DIPK1A: variants seen among roughly 807,000 people sequenced by gnomAD.
DIPK1A encodes the protein family with sequence similarity 69 member A.
Under a neutral mutation model 40.8 loss-of-function variants are expected in DIPK1A, and 27 were observed. The ratio of observed to expected loss-of-function variants is 0.66; its 90% CI spans 0.49 to 0.91. The LOEUF (loss-of-function observed/expected upper bound fraction) is 0.91, where lower values mean the gene tolerates loss of function less well. Among genes scored for constraint, DIPK1A ranks in the 40% least tolerant of loss-of-function variants. The pLI, the probability that DIPK1A is intolerant of heterozygous loss-of-function variation, is 0.00. For missense variants in DIPK1A, 412 were observed against 505.7 expected, an observed-to-expected ratio of 0.81 and a Z score of 1.78; for synonymous variants, 166 against 171.3, an observed-to-expected ratio of 0.97 and a Z score of 0.24.
chr1:92,855,946 T>G (rs1175609615), intron 2 of DIPK1A, among the ~76,000 whole-genome samples: 2 of 151,918 alleles, frequency 1.3e-5, no homozygotes, highest in East Asian at 3.9e-4. Flanking sequence ...CAGGTGTGGA[T>G]GCACACCTGT....
chr1:92,899,015 A>G (rs536288624), intron 1 of DIPK1A, among the ~76,000 whole-genome samples: 1 of 152,238 alleles, frequency 6.6e-6, no homozygotes, highest in African/African-American at 2.4e-5. Flanking sequence ...ATATCCTCCC[A>G]TGTCAGCCTC....
At chr1:92,922,626 G>A (rs945688627) in intron 1 of DIPK1A, among the ~76,000 whole-genome samples, 1 of 152,162 alleles carries the variant, frequency 6.6e-6, no homozygotes, top group South Asian at 2.1e-4. Flanking sequence ...CAGTCCTCTG[G>A]AAGTCTGAAG....
chr1:92,909,492 A>G (rs1037085170), intron 1 of DIPK1A, among the ~76,000 whole-genome samples: 2 of 152,114 alleles, frequency 1.3e-5, no homozygotes, highest in Non-Finnish European at 2.9e-5. Context: ...TTCTTTGGAG[A>G]GATGTACTTG....
At position 92,961,455 on chromosome 1, in the gene DIPK1A, C is replaced by G. The variant is rs1339247062; in HGVS notation, c.-26G>C. 6.8e-7 allele frequency: 1 copy of G among 1,471,984 alleles called. No individual in the cohort carries two copies. Among genetic ancestry groups the G allele is most frequent in the Non-Finnish European group, 9.1e-7 (1 of 1,103,834 alleles). The allele number at this position is 1,471,984 out of a possible 1,614,324, so 91.2% of individuals were successfully genotyped here. A position where few individuals can be genotyped will look rare whatever the true frequency, so the allele number is the denominator to read the frequency against. On this transcript the variant is annotated 5_prime_UTR_variant, in exon 1 of 5. Transcript: ENST00000370310. ...GGTAATCACACATCGCCCCGCCGCG[C>G]TGCAGTCAGAGGCGGACCCGAGCGC...
chr1:92,944,197 T>TA (rs1452278761), intron 1 of DIPK1A, among the ~76,000 whole-genome samples: 2 of 151,668 alleles, frequency 1.3e-5, no homozygotes, highest in Non-Finnish European at 2.9e-5. Flanking sequence ...ATAAAAATAA[T>TA]AGAGAAGCTA....
At chr1:92,842,004 G>A, downstream of DIPK1A, 1 of 817,946 alleles carries the variant, frequency 1.2e-6, no homozygotes, top group Non-Finnish European at 1.8e-6. Context: ...GAGTTGACAG[G>A]TTTTTTTCTC....
chr1:92,859,049 C>G (rs541103473), intron 2 of DIPK1A, among the ~76,000 whole-genome samples: 20 of 152,264 alleles, frequency 1.3e-4, no homozygotes, highest in Non-Finnish European at 2.8e-4. Flanking sequence ...AGATGGCACT[C>G]TTTAGTCTTA....
intron 2 of DIPK1A, among the ~76,000 whole-genome samples, chr1:92,858,533 T>C (rs549185804): frequency 3.9e-5 from 6 of 152,346 alleles, no homozygotes; most frequent in African/African-American, 1.4e-4. Context: ...CTTTAAAATC[T>C]CATTGAGGAT....
chr1:92,870,073 T>TACACACAC (rs1211095931), intron 2 of DIPK1A, among the ~76,000 whole-genome samples: 23 of 143,748 alleles, frequency 1.6e-4, no homozygotes, highest in Non-Finnish European at 3.0e-4. Context: ...ATGAATTATA[T>TACACACAC]ATACACACAC....
intron 2 of DIPK1A, among the ~76,000 whole-genome samples, chr1:92,861,994 G>C (rs1256190016): frequency 1.3e-5 from 2 of 152,148 alleles, no homozygotes; most frequent in African/African-American, 4.8e-5. Context: ...TGCTCAGGCT[G>C]ATCTTGCACT....
chr1:92,897,901 C>A (rs1342865804), intron 1 of DIPK1A, among the ~76,000 whole-genome samples: 2 of 152,116 alleles, frequency 1.3e-5, no homozygotes, highest in Non-Finnish European at 2.9e-5. Flanking sequence ...GAGTTCAAGA[C>A]CAGCCTGGCT....
At chr1:92,866,187 C>T (rs1008664154) in intron 2 of DIPK1A, among the ~76,000 whole-genome samples, 4 of 152,162 alleles carry the variant, frequency 2.6e-5, no homozygotes, top group African/African-American at 4.8e-5. Flanking sequence ...CTGCAGCCTC[C>T]GTCTCCCGGG....
At chr1:92,833,846 G>C (rs1436407945) in intron 4 of DIPK1A, 1 of 602,494 alleles carries the variant, frequency 1.7e-6, no homozygotes. Flanking sequence ...AATGCTCTTG[G>C]TTGCGCTCAT....
chr1:92,876,912 A>G, intron 1 of DIPK1A: 1 of 877,890 alleles, frequency 1.1e-6, no homozygotes, highest in Non-Finnish European at 1.4e-6. Flanking sequence ...TGACAACCAG[A>G]ACAAGAAATT....
chr1:92,878,458 G>A lies in DIPK1A; in HGVS notation c.55-2028C>T, dbSNP rs544025147. ...CCAGAACTTCGGGAGGCCAAGACAG[G>A]CGAACAACTTGAGGTGAGGAGTTCA... On this transcript the variant is annotated intron_variant, in intron 1 of 4. Coordinates refer to ENST00000370310, the MANE Select transcript of DIPK1A (RefSeq NM_001006605.5). Among the ~76,000 whole-genome samples, 168 of 152,142 alleles carry A rather than the reference G, an allele frequency of 1.1e-3. 1 individual carries two copies. The highest frequency in any genetic ancestry group is 2.1e-3 in the Non-Finnish European group (144 of 67,998).
At chr1:92,936,073 G>C (rs1419127516) in intron 1 of DIPK1A, among the ~76,000 whole-genome samples, 1 of 151,684 alleles carries the variant, frequency 6.6e-6, no homozygotes, top group Non-Finnish European at 1.5e-5. Context: ...GCGACAGAGA[G>C]AGACTTCATC....
intron 1 of DIPK1A, among the ~76,000 whole-genome samples, chr1:92,921,491 T>G (rs937568355): frequency 2.6e-5 from 4 of 152,096 alleles, no homozygotes; most frequent in African/African-American, 9.7e-5. Flanking sequence ...AAAGGAGAAT[T>G]TGCTAGTCGG....
At chr1:92,851,542 CAAAAAA>C (rs59664439) in intron 2 of DIPK1A, among the ~76,000 whole-genome samples, 3 of 34,780 alleles carry the variant, frequency 8.6e-5, no homozygotes, top group African/African-American at 2.2e-4. Context: ...GACCCTATCT[CAAAAAA>C]AAAAAAAAAA....
At chr1:92,894,196 A>G (rs1198831313) in intron 1 of DIPK1A, among the ~76,000 whole-genome samples, 1 of 152,162 alleles carries the variant, frequency 6.6e-6, no homozygotes, top group Non-Finnish European at 1.5e-5. Flanking sequence ...TCAACAGAAT[A>G]TACATTCTTT....
Sources: gnomAD v4.1 joint callset for allele counts (sites outside exome capture counted in the v4.1 genomes callset) on GRCh38, gnomAD v4.1.1 for gene constraint, MANE v1.5 for transcripts, NCBI Gene and HGNC (gene_info 2026-07-23, HGNC 2026-07-21) for gene names.